FAM161B: variants seen among roughly 807,000 people sequenced by gnomAD.
FAM161B encodes the protein protein FAM161B.
A neutral mutation model predicts 61.5 loss-of-function variants in FAM161B; 46 were observed. That is an observed-to-expected ratio of 0.75 (90% CI 0.59 to 0.96). The LOEUF is 0.96. Ranked by LOEUF, FAM161B falls within the 40% of genes least tolerant of loss-of-function variation. The pLI is 0.00. For synonymous variants in FAM161B, 284 were observed against 302.7 expected (o/e 0.94, Z 0.64); for missense variants, 774 against 800.7 (o/e 0.97, Z 0.40).
chr14:73,949,519 A>AT (rs35341495), intron 1 of FAM161B, among the ~76,000 whole-genome samples: 69,254 of 138,226 alleles, frequency 0.5, 18,903 homozygotes, highest in Admixed American at 0.61. Flanking sequence ...CGCCTGGCCA[A>AT]TTTTTTTTTT....
chr14:73,938,060 T>A lies in FAM161B; in HGVS notation c.1453A>T (p.Ile485Leu). 6.2e-7 allele frequency: 1 copy of A among 1,614,182 alleles called. No individual in the cohort carries two copies. The highest frequency in any genetic ancestry group is 8.5e-7 in the Non-Finnish European group (1 of 1,180,018). ...ATTGCTTGAGACTTCTTTTTGTGTA[T>A]CTCCAGCCACTGAATACTCTCATCT... ...KADESIQWLE[I>L]HKKKSQAMSK... Residue 485 changes from isoleucine to leucine, a missense_variant, in exon 6 of 9, where the codon ATA becomes TTA. Coordinates refer to ENST00000286544, the MANE Select transcript of FAM161B (RefSeq NM_152445.3).
At chr14:73,931,470 A>G (rs372085294), downstream of FAM161B, 70 of 1,587,388 alleles carry the variant, frequency 4.4e-5, no homozygotes, top group Middle Eastern at 1.2e-3. Flanking sequence ...TTCAACTGTA[A>G]CCTATTCTAG....
rs1566671268 is a variant in FAM161B at position 73,932,524 on chromosome 14, A to G, written c.*1732T>C. On this transcript the variant is annotated 3_prime_UTR_variant, in exon 9 of 9. Coordinates refer to ENST00000286544, the MANE Select transcript of FAM161B (RefSeq NM_152445.3). ...ACAGATACTTCTGAATTTTTCCACAAAGATAGTTTTTTTAAAAAAGCTTGA... is the reference window on the plus strand; with the variant it reads ...ACAGATACTTCTGAATTTTTCCACAGAGATAGTTTTTTTAAAAAAGCTTGA... 5 of 442,598 alleles carry G rather than the reference A, an allele frequency of 1.1e-5. No individual in the cohort carries two copies. In the Admixed American group the frequency reaches 1.3e-4, roughly 12 times the overall value. The allele number at this position is 442,598 out of a possible 1,614,324, so 27.4% of individuals were successfully genotyped here.
chr14:73,941,106 ATCTT>A, intron 4 of FAM161B, 53 bp from the exon 5 acceptor site: 13 of 1,207,038 alleles, frequency 1.1e-5, no homozygotes, highest in Non-Finnish European at 1.1e-5. Flanking sequence ...ATTAGTTTCT[ATCTT>A]TTTTTTTTTT....
rs1053836527 is a variant in FAM161B at position 73,932,828 on chromosome 14, TGCCCAGGC to T, written c.*1420_*1427del. ...TTTTTGGTAGAAATGAGGTCTGTGT[TGCCCAGGC>T]TGGTCTTGAACGCCTGGCTTCAAGC... On this transcript the variant is annotated 3_prime_UTR_variant, in exon 9 of 9. Transcript: ENST00000286544. 2.7e-4 allele frequency: 52 copies of T among 189,754 alleles called. No homozygotes were observed. The highest frequency in any genetic ancestry group is 1.2e-3 in the African/African-American group (52 of 42,364). 11.8% of individuals were successfully genotyped at this position (189,754 alleles called of 1,614,324 possible).
At chr14:73,929,320 G>C (rs1386327076), downstream of FAM161B, among the ~76,000 whole-genome samples, 1 of 151,686 alleles carries the variant, frequency 6.6e-6, no homozygotes, top group African/African-American at 2.4e-5. Flanking sequence ...CCTCATCCAA[G>C]GTCTAGGTAA....
chr14:73,942,740 T>C, intron 3 of FAM161B, 25 bp from the exon 4 acceptor site: 2 of 1,597,236 alleles, frequency 1.3e-6, no homozygotes, highest in Non-Finnish European at 1.7e-6. Context: ...TGGTGATGGG[T>C]AAGAAAGGAC....
downstream of FAM161B, chr14:73,931,713 T>C: frequency 1.6e-6 from 1 of 633,298 alleles, no homozygotes; most frequent in Non-Finnish European, 2.8e-6. Context: ...GGAGAGCTTC[T>C]TTTCTAACTA....
At chr14:73,938,738 C>T (rs2055993150) in intron 5 of FAM161B, among the ~76,000 whole-genome samples, 1 of 151,974 alleles carries the variant, frequency 6.6e-6, no homozygotes, top group Admixed American at 6.5e-5. Context: ...TGCCACTGCA[C>T]TCCAGCCTGG....
chr14:73,928,324 G>T (rs756553163), downstream of FAM161B, among the ~76,000 whole-genome samples: 26 of 152,108 alleles, frequency 1.7e-4, no homozygotes, highest in Non-Finnish European at 2.5e-4. Flanking sequence ...GGAGTAGAGG[G>T]CCTCTGTGGA....
At chr14:73,923,212 C>G in the FAM161B span, among the ~76,000 whole-genome samples, 3 of 152,108 alleles carry the variant, frequency 2.0e-5, no homozygotes, top group African/African-American at 7.2e-5. Flanking sequence ...TTTCTATTCT[C>G]TTTTTATATT....
chr14:73,945,136 A>G (rs530203601), intron 2 of FAM161B, among the ~76,000 whole-genome samples: 1 of 152,226 alleles, frequency 6.6e-6, no homozygotes, highest in Non-Finnish European at 1.5e-5. Context: ...GAGAGAGAAC[A>G]ATGAGCAGAG....
the FAM161B span, among the ~76,000 whole-genome samples, chr14:73,923,700 A>AT: frequency 6.6e-6 from 1 of 152,270 alleles, no homozygotes; most frequent in East Asian, 1.9e-4. Context: ...GTCTTAATGA[A>AT]TTGGAGATTG....
chr14:73,931,268 T>C (rs1299826269), downstream of FAM161B, among the ~76,000 whole-genome samples: 1 of 152,146 alleles, frequency 6.6e-6, no homozygotes, highest in African/African-American at 2.4e-5. Flanking sequence ...GCTTATAGAC[T>C]CAGAATATTT....
At chr14:73,943,094 C>G (rs2056033744) in intron 3 of FAM161B, among the ~76,000 whole-genome samples, 1 of 152,152 alleles carries the variant, frequency 6.6e-6, no homozygotes, top group South Asian at 2.1e-4. Flanking sequence ...TAACCTGCTC[C>G]TCTCCCAGGT....
At position 73,936,030 on chromosome 14, in the gene FAM161B, A is replaced by G. The variant is rs1466095131; in HGVS notation, c.1724T>C (p.Leu575Pro). Residue 575 changes from leucine (L) to proline (P), a missense_variant, in exon 8 of 9, where the codon CTG (leucine) becomes CCG (proline). Transcript: ENST00000286544. Reference sequence around the variant, plus strand: ...CTTGTTTCTCACAAAGTCTTCCTCCAGCCCAGCCTGCTTCAGGGTGTCTAG... The same window carrying G: ...CTTGTTTCTCACAAAGTCTTCCTCCGGCCCAGCCTGCTTCAGGGTGTCTAG... ...WYLDTLKQAG[L>P]EEDFVRNKGQ... 3.1e-6 allele frequency: 5 copies of G among 1,613,844 alleles called. No individual in the cohort carries two copies. Among genetic ancestry groups the G allele is most frequent in the Non-Finnish European group, 4.2e-6 (5 of 1,179,914 alleles).
At chr14:73,925,066 C>T in the FAM161B span, among the ~76,000 whole-genome samples, 4 of 152,214 alleles carry the variant, frequency 2.6e-5, no homozygotes, top group Non-Finnish European at 5.9e-5. Context: ...CTCCATTATT[C>T]TCTAATATCT....
chr14:73,941,560 T>A (rs956578335), intron 4 of FAM161B, among the ~76,000 whole-genome samples: 2 of 152,144 alleles, frequency 1.3e-5, no homozygotes, highest in Non-Finnish European at 2.9e-5. Flanking sequence ...AATCCTAAAG[T>A]TTTTAGTCAA....
At chr14:73,945,322 T>G (rs1472740670) in intron 2 of FAM161B, among the ~76,000 whole-genome samples, 1 of 152,214 alleles carries the variant, frequency 6.6e-6, no homozygotes, top group Admixed American at 6.5e-5. Context: ...TAATGTACAC[T>G]TTATCTCATT....
Sources: allele counts gnomAD v4.1 joint callset (sites outside exome capture counted in the v4.1 genomes callset), GRCh38; gene constraint gnomAD v4.1.1; transcripts MANE v1.5; gene names NCBI Gene and HGNC (gene_info 2026-07-23, HGNC 2026-07-21).